Variants in IGF1R observed in about 807,000 individuals in gnomAD.
The protein encoded by IGF1R is insulin-like growth factor 1 receptor.
Under a neutral mutation model 144.6 loss-of-function variants are expected in IGF1R, and 44 were observed. The ratio of observed to expected loss-of-function variants is 0.30; its 90% CI spans 0.24 to 0.39. IGF1R has a LOEUF of 0.39. IGF1R is among the 10% of genes least tolerant of loss of function. IGF1R has a pLI of 1.00. For synonymous variants in IGF1R, 795 were observed against 722.8 expected (o/e 1.10, Z -1.60); for missense variants, 1,355 against 1,833.7 (o/e 0.74, Z 4.77).
At chr15:98,870,328 T>C (rs1338159115) in intron 2 of IGF1R, among the ~76,000 whole-genome samples, 2 of 152,214 alleles carry the variant, frequency 1.3e-5, no homozygotes, top group Non-Finnish European at 2.9e-5. Context: ...CGATCAGTGC[T>C]TTGAAGGAGA....
chr15:98,790,153 C>A (rs893216136), intron 2 of IGF1R, among the ~76,000 whole-genome samples: 3 of 152,230 alleles, frequency 2.0e-5, no homozygotes, highest in Middle Eastern at 3.4e-3. Context: ...TGGGCTTGGT[C>A]ATTGCAGTGT....
chr15:98,758,674 T>C (rs563316791), intron 2 of IGF1R, among the ~76,000 whole-genome samples: 21 of 152,288 alleles, frequency 1.4e-4, no homozygotes, highest in South Asian at 6.2e-4. Flanking sequence ...ACAATGACCA[T>C]GGAGAACTGT....
chr15:98,803,152 A>G (rs753694365), intron 2 of IGF1R, among the ~76,000 whole-genome samples: 26 of 152,244 alleles, frequency 1.7e-4, no homozygotes, highest in Non-Finnish European at 3.1e-4. Context: ...TGCCAGCATC[A>G]TACAGCGTAC....
At chr15:98,753,227 A>AG (rs1461868487) in intron 2 of IGF1R, among the ~76,000 whole-genome samples, 1 of 108,462 alleles carries the variant, frequency 9.2e-6, no homozygotes, top group African/African-American at 3.1e-5. Flanking sequence ...CATTACGTCC[A>AG]GCCTTTTTTT....
chr15:98,922,577 T>C, intron 11 of IGF1R, 146 bp downstream of exon 11: 1 of 932,996 alleles, frequency 1.1e-6, no homozygotes, highest in South Asian at 1.5e-5. Context: ...CATTGGCAGG[T>C]GGCGTGTAGA....
chr15:98,705,700 C>T (rs2053844982), intron 1 of IGF1R, among the ~76,000 whole-genome samples: 1 of 152,108 alleles, frequency 6.6e-6, no homozygotes, highest in South Asian at 2.1e-4. Context: ...AATGTAATGC[C>T]CAGTGGGACT....
At chr15:98,864,237 A>C (rs2012310168) in intron 2 of IGF1R, among the ~76,000 whole-genome samples, 1 of 152,238 alleles carries the variant, frequency 6.6e-6, no homozygotes, top group Non-Finnish European at 1.5e-5. Flanking sequence ...CCTGGACAAC[A>C]GAGCAAGACA....
chr15:98,703,693 C>T (rs142168222), intron 1 of IGF1R, among the ~76,000 whole-genome samples: 251 of 152,270 alleles, frequency 1.6e-3, no homozygotes, highest in Non-Finnish European at 3.1e-3. Flanking sequence ...TGTAGTGTGG[C>T]CTCTGTTAAC....
At position 98,680,194 on chromosome 15, in the gene IGF1R, C is replaced by A. The variant is rs185994654; in HGVS notation, c.95-27368C>A. ...TCAGCCTTCACATTCACTCACCACTCACTGACTCACCCGAGGGAGCAACTT... is the reference window on the plus strand; with the variant it reads ...TCAGCCTTCACATTCACTCACCACTAACTGACTCACCCGAGGGAGCAACTT... On this transcript the variant is annotated intron_variant, in intron 1 of 20. Coordinates refer to ENST00000650285, the MANE Select transcript of IGF1R (RefSeq NM_000875.5). Among the ~76,000 whole-genome samples, 21 of 152,164 alleles carry A rather than the reference C, an allele frequency of 1.4e-4. No homozygotes were observed. The East Asian group carries it at 3.9e-3, about 28-fold the overall frequency.
chr15:98,653,441 G>C (rs1199889146), intron 1 of IGF1R, among the ~76,000 whole-genome samples: 1 of 152,100 alleles, frequency 6.6e-6, no homozygotes, highest in African/African-American at 2.4e-5. Context: ...AGGATGAACA[G>C]AACAGTTCAT....
chr15:98,958,983 G>GCAGGC lies in IGF1R; in HGVS notation c.*1543_*1547dup, dbSNP rs2017120921. On this transcript the variant is annotated 3_prime_UTR_variant, in exon 21 of 21. Coordinates refer to ENST00000650285, the MANE Select transcript of IGF1R (RefSeq NM_000875.5). ...AGGCTCTCTGGGCACGAGGCAGAAAGCAGGCCGGGCACCCATCCTGAGAGG... is the reference window on the plus strand; with the variant it reads ...AGGCTCTCTGGGCACGAGGCAGAAAGCAGGCCAGGCCGGGCACCCATCCTGAGAGG... 8.6e-6 allele frequency: 2 copies of GCAGGC among 233,238 alleles called. No individual in the cohort carries two copies. The highest frequency in any genetic ancestry group is 4.4e-5 in the African/African-American group (2 of 45,320). The allele number at this position is 233,238 out of a possible 1,614,324, so 14.4% of individuals were successfully genotyped here.
intron 13 of IGF1R, 43 bp downstream of exon 13, chr15:98,924,727 C>CAG: frequency 6.4e-7 from 1 of 1,558,050 alleles, no homozygotes; most frequent in Non-Finnish European, 8.8e-7. Context: ...AAACTGAAAG[C>CAG]AGGGTGGTCC....
chr15:98,838,073 C>T (rs968391829), intron 2 of IGF1R, among the ~76,000 whole-genome samples: 13 of 152,198 alleles, frequency 8.5e-5, no homozygotes, highest in Admixed American at 5.2e-4. Flanking sequence ...TACTAACAGA[C>T]TTTATTTAGT....
intron 2 of IGF1R, among the ~76,000 whole-genome samples, chr15:98,737,630 C>T (rs2054641512): frequency 6.6e-6 from 1 of 152,182 alleles, no homozygotes; most frequent in Non-Finnish European, 1.5e-5. Flanking sequence ...ACCTTGTTCT[C>T]ATTTTTCTTC....
chr15:98,709,044 AAT>A lies in IGF1R; in HGVS notation c.640+939_640+940del, dbSNP rs144397651. On this transcript the variant is annotated intron_variant, in intron 2 of 20. Coordinates refer to ENST00000650285, the MANE Select transcript of IGF1R (RefSeq NM_000875.5). Reference sequence around the variant, plus strand: ...GAGCCTTCACCTTATTGCATTCAGCAATAGTTATGTATATTGGCTAGGAAGCT... The same window carrying A: ...GAGCCTTCACCTTATTGCATTCAGCAAGTTATGTATATTGGCTAGGAAGCT... Among the ~76,000 whole-genome samples, 940 of 152,334 alleles carry A rather than the reference AAT, an allele frequency of 6.2e-3. 9 individuals carry two copies. The highest frequency in any genetic ancestry group is 0.022 in the African/African-American group (908 of 41,574).
intron 2 of IGF1R, among the ~76,000 whole-genome samples, chr15:98,869,061 C>T (rs1005579617): frequency 2.0e-5 from 3 of 152,144 alleles, no homozygotes; most frequent in African/African-American, 7.2e-5. Flanking sequence ...CTGCTCATCT[C>T]CTAAAAGTGG....
chr15:98,881,966 A>G (rs554310781), intron 2 of IGF1R, among the ~76,000 whole-genome samples: 2 of 152,372 alleles, frequency 1.3e-5, no homozygotes, highest in South Asian at 4.1e-4. Flanking sequence ...TATAGTAGAG[A>G]TATGAATAGT....
intron 20 of IGF1R, among the ~76,000 whole-genome samples, chr15:98,949,252 T>A (rs933405973): frequency 6.6e-6 from 1 of 152,114 alleles, no homozygotes; most frequent in Non-Finnish European, 1.5e-5. Flanking sequence ...ACAAAAGTCA[T>A]AAACCATCTA....
intron 2 of IGF1R, among the ~76,000 whole-genome samples, chr15:98,782,308 T>C (rs889643462): frequency 1.4e-4 from 21 of 152,216 alleles, no homozygotes; most frequent in African/African-American, 4.3e-4. Context: ...GGAAAACATC[T>C]TATTTTAATC....
Sources: gnomAD v4.1 joint callset for allele counts (sites outside exome capture counted in the v4.1 genomes callset) on GRCh38, gnomAD v4.1.1 for gene constraint, MANE v1.5 for transcripts, NCBI Gene and HGNC (gene_info 2026-07-23, HGNC 2026-07-21) for gene names.